Variants in ENTREP2 observed in about 807,000 individuals in gnomAD.
ENTREP2 encodes the protein endosomal transmembrane epsin interactor 2.
the ENTREP2 span, among the ~76,000 whole-genome samples, chr15:29,350,448 T>C: frequency 3.3e-5 from 5 of 152,200 alleles, no homozygotes; most frequent in African/African-American, 1.2e-4. Flanking sequence ...CTCTATTGCT[T>C]CTTGGATATC....
the ENTREP2 span, among the ~76,000 whole-genome samples, chr15:29,357,868 A>C: frequency 6.6e-6 from 1 of 152,084 alleles, no homozygotes; most frequent in East Asian, 1.9e-4. Flanking sequence ...AAAAAAAAAA[A>C]AAACTGGTTG....
the ENTREP2 span, among the ~76,000 whole-genome samples, chr15:29,249,539 G>A: frequency 6.6e-6 from 1 of 152,058 alleles, no homozygotes; most frequent in Non-Finnish European, 1.5e-5. Flanking sequence ...TATAGTAAAT[G>A]TATAATTTTT....
At chr15:29,321,752 G>A in the ENTREP2 span, among the ~76,000 whole-genome samples, 1 of 151,812 alleles carries the variant, frequency 6.6e-6, no homozygotes, top group Non-Finnish European at 1.5e-5. Flanking sequence ...TGCAAAAAAT[G>A]TTAAAAGTAG....
chr15:29,655,586 A>C, the ENTREP2 span, among the ~76,000 whole-genome samples: 1 of 152,254 alleles, frequency 6.6e-6, no homozygotes, highest in East Asian at 1.9e-4. Context: ...TGGAACTGTC[A>C]GACAGGAAAT....
chr15:29,467,845 G>A, the ENTREP2 span, among the ~76,000 whole-genome samples: 1 of 152,116 alleles, frequency 6.6e-6, no homozygotes, highest in Non-Finnish European at 1.5e-5. Context: ...CTGCTCCCCT[G>A]TGCCTAACTT....
the ENTREP2 span, among the ~76,000 whole-genome samples, chr15:29,382,025 G>A: frequency 6.6e-6 from 1 of 152,144 alleles, no homozygotes; most frequent in African/African-American, 2.4e-5. Context: ...AGGGCACCAG[G>A]GTGCTATGGA....
chr15:29,552,960 G>A, the ENTREP2 span, among the ~76,000 whole-genome samples: 1 of 152,222 alleles, frequency 6.6e-6, no homozygotes, highest in Non-Finnish European at 1.5e-5. Flanking sequence ...GCAAAAAGGA[G>A]AAATTAAAAG....
At chr15:29,490,411 T>G in the ENTREP2 span, among the ~76,000 whole-genome samples, 3 of 152,222 alleles carry the variant, frequency 2.0e-5, no homozygotes, top group Non-Finnish European at 4.4e-5. Context: ...CCAAACAGTT[T>G]GCGGCTGCTG....
chr15:29,463,487 T>C, the ENTREP2 span, among the ~76,000 whole-genome samples: 3 of 151,962 alleles, frequency 2.0e-5, no homozygotes, highest in Non-Finnish European at 4.4e-5. Flanking sequence ...AATAGGTGAA[T>C]AGGACAGTCT....
chr15:29,315,908 C>T, the ENTREP2 span, among the ~76,000 whole-genome samples: 1 of 147,496 alleles, frequency 6.8e-6, no homozygotes, highest in Non-Finnish European at 1.5e-5. Context: ...AAGGTAGGCA[C>T]ACGTACATGC....
the ENTREP2 span, among the ~76,000 whole-genome samples, chr15:29,433,589 T>C: frequency 6.6e-6 from 1 of 152,188 alleles, no homozygotes. Flanking sequence ...ATGTCCCTTT[T>C]AGTCAAATTT....
chr15:29,409,424 C>T, the ENTREP2 span, among the ~76,000 whole-genome samples: 1 of 151,950 alleles, frequency 6.6e-6, no homozygotes, highest in Non-Finnish European at 1.5e-5. Flanking sequence ...CTCCTGAGTT[C>T]AAGCAATTCT....
the ENTREP2 span, among the ~76,000 whole-genome samples, chr15:29,393,397 C>G: frequency 6.6e-6 from 1 of 152,222 alleles, no homozygotes; most frequent in Non-Finnish European, 1.5e-5. Context: ...TTGCAGTGGG[C>G]ACCAGGCTCA....
chr15:29,536,416 T>C, the ENTREP2 span, among the ~76,000 whole-genome samples: 1 of 152,086 alleles, frequency 6.6e-6, no homozygotes, highest in African/African-American at 2.4e-5. Flanking sequence ...AAACCTGTTA[T>C]GGTTGAATTC....
the ENTREP2 span, among the ~76,000 whole-genome samples, chr15:29,672,667 A>T: frequency 6.6e-6 from 1 of 152,104 alleles, no homozygotes; most frequent in Non-Finnish European, 1.5e-5. Flanking sequence ...AGTTTAATTC[A>T]CGCAGAGCCG....
chr15:29,594,735 G>A, the ENTREP2 span, among the ~76,000 whole-genome samples: 1 of 151,976 alleles, frequency 6.6e-6, no homozygotes, highest in Non-Finnish European at 1.5e-5. Context: ...GGCCAAGGTG[G>A]GCAAATCACT....
chr15:29,354,931 C>T, the ENTREP2 span, among the ~76,000 whole-genome samples: 1 of 152,200 alleles, frequency 6.6e-6, no homozygotes, highest in East Asian at 1.9e-4. Flanking sequence ...ACCTTTACTG[C>T]TGCCTGGAGG....
chr15:29,154,563 A>G, the ENTREP2 span, among the ~76,000 whole-genome samples: 1 of 152,216 alleles, frequency 6.6e-6, no homozygotes, highest in African/African-American at 2.4e-5. Flanking sequence ...GAAAACATGA[A>G]TCTTTCACCA....
chr15:29,448,164 GCTACCAGGTGAGCAT>G, the ENTREP2 span, among the ~76,000 whole-genome samples: 1 of 152,086 alleles, frequency 6.6e-6, no homozygotes, highest in Non-Finnish European at 1.5e-5. Flanking sequence ...TCTAATTAAT[GCTACCAGGTGAGCAT>G]CTTGAAAAAC....
Sources: allele counts gnomAD v4.1 joint callset (sites outside exome capture counted in the v4.1 genomes callset), GRCh38; gene constraint gnomAD v4.1.1; transcripts MANE v1.5; gene names NCBI Gene and HGNC (gene_info 2026-07-23, HGNC 2026-07-21).